Variants in CCDC7 observed in about 807,000 individuals in gnomAD.
The protein encoded by CCDC7 is coiled-coil domain-containing protein 7.
A neutral mutation model predicts 196.9 loss-of-function variants in CCDC7; 183 were observed. The observed-to-expected ratio is 0.93, with a 90% CI of 0.82 to 1.05. The LOEUF (loss-of-function observed/expected upper bound fraction) is 1.05. CCDC7 is among the 50% of genes least tolerant of loss of function. The pLI, the probability that CCDC7 is intolerant of heterozygous loss-of-function variation, is 0.00. For synonymous variants in CCDC7, 525 were observed against 484.6 expected (o/e 1.08, Z -1.10); for missense variants, 1,540 against 1,482.2 (o/e 1.04, Z -0.64).
At chr10:32,536,502 C>G (rs1017234601) in intron 11 of CCDC7, among the ~76,000 whole-genome samples, 2 of 152,140 alleles carry the variant, frequency 1.3e-5, no homozygotes, top group Non-Finnish European at 2.9e-5. Flanking sequence ...CCCAGCAAAC[C>G]TCACACTTCG....
intron 11 of CCDC7, among the ~76,000 whole-genome samples, chr10:32,530,042 T>G (rs1589574528): frequency 6.6e-6 from 1 of 152,100 alleles, no homozygotes; most frequent in South Asian, 2.1e-4. Flanking sequence ...TTTCCCCACT[T>G]TATGTTTTTC....
At chr10:32,778,952 C>A in intron 28 of CCDC7, 25 bp from the exon 30 acceptor site, 4 of 1,512,210 alleles carry the variant, frequency 2.6e-6, no homozygotes, top group South Asian at 1.2e-5. Flanking sequence ...AAATCAACTA[C>A]TTTGACAATC....
chr10:32,584,482 G>T (rs2059039002), intron 18 of CCDC7, among the ~76,000 whole-genome samples, 178 bp downstream of exon 19: 1 of 149,782 alleles, frequency 6.7e-6, no homozygotes, highest in South Asian at 2.1e-4. Context: ...GGTGGGCCAG[G>T]CGTGGTGGCT....
chr10:32,690,322 A>G (rs1481706873), intron 23 of CCDC7, among the ~76,000 whole-genome samples: 2 of 152,194 alleles, frequency 1.3e-5, no homozygotes, highest in Non-Finnish European at 2.9e-5. Context: ...TGCATTGATG[A>G]CAGATATTAG....
intron 15 of CCDC7, among the ~76,000 whole-genome samples, chr10:32,569,997 C>G (rs1359393897): frequency 1.3e-5 from 2 of 152,072 alleles, no homozygotes; most frequent in Non-Finnish European, 2.9e-5. Flanking sequence ...TCTGAACATG[C>G]TCATATACCT....
chr10:32,704,217 T>G lies in CCDC7; in HGVS notation c.2459-7403T>G, dbSNP rs1286194494. ...TGGATGTCCTTTCTGTTTGTTAGTT[T>G]TCCTTCCACAGTCAGGACCCTCAGC... On this transcript the variant is annotated intron_variant, in intron 24 of 41. Coordinates refer to ENST00000639629, the Ensembl canonical transcript of CCDC7. Among the ~76,000 whole-genome samples the G allele has an allele frequency of 2.6e-5, 4 of 152,302 alleles. No individual in the cohort carries two copies. In the East Asian group the frequency reaches 5.8e-4, roughly 22 times the overall value.
intron 8 of CCDC7, among the ~76,000 whole-genome samples, chr10:32,475,384 A>G (rs936960865): frequency 6.6e-6 from 1 of 152,182 alleles, no homozygotes; most frequent in African/African-American, 2.4e-5. Context: ...ATTTTTGTCC[A>G]GTATTTAAGT....
intron 11 of CCDC7, among the ~76,000 whole-genome samples, chr10:32,524,781 C>G (rs1380795673): frequency 6.6e-6 from 1 of 152,064 alleles, no homozygotes; most frequent in Non-Finnish European, 1.5e-5. Flanking sequence ...TTATTTGTTT[C>G]TTTTCTCTTG....
intron 32 of CCDC7, among the ~76,000 whole-genome samples, chr10:32,825,731 G>A (rs908210851): frequency 6.6e-6 from 1 of 152,098 alleles, no homozygotes; most frequent in Non-Finnish European, 1.5e-5. Context: ...TAATAGTGTG[G>A]AGAACACCGA....
intron 9 of CCDC7, 52 bp from the exon 11 acceptor site, chr10:32,517,888 ATAAAT>A: frequency 2.6e-6 from 4 of 1,554,612 alleles, no homozygotes; most frequent in Non-Finnish European, 3.5e-6. Context: ...TGTGTGTTTC[ATAAAT>A]TAAAATATAA....
At chr10:32,461,633 T>C (rs748740049) in intron 3 of CCDC7, among the ~76,000 whole-genome samples, 12 of 150,284 alleles carry the variant, frequency 8.0e-5, no homozygotes, top group African/African-American at 1.2e-4. Flanking sequence ...TACTTGCTGC[T>C]GTATGAAAAA....
At chr10:32,561,749 G>A (rs1208902617) in intron 13 of CCDC7, among the ~76,000 whole-genome samples, 1 of 144,632 alleles carries the variant, frequency 6.9e-6, no homozygotes, top group East Asian at 2.0e-4. Flanking sequence ...AACTAGAAAA[G>A]CAAGAGCAAA....
intron 13 of CCDC7, among the ~76,000 whole-genome samples, chr10:32,564,546 C>A (rs1185345269): frequency 1.3e-5 from 2 of 149,584 alleles, no homozygotes; most frequent in Admixed American, 6.8e-5. Context: ...TAAACTATCG[C>A]AAGAACAAAA....
chr10:32,734,918 A>G (rs1014805565), intron 28 of CCDC7, among the ~76,000 whole-genome samples: 1 of 151,840 alleles, frequency 6.6e-6, no homozygotes. Context: ...ATAAAATTAA[A>G]TAAAATAAGT....
Position 32,729,000 on chromosome 10 carries a change from G to C in CCDC7, c.2779+3G>C. Reference sequence around the variant, plus strand: ...TTCTGGAGTGGAAAGACACAAGAGTGAGTATAATAATTATCGATAACTTTA... The same window carrying C: ...TTCTGGAGTGGAAAGACACAAGAGTCAGTATAATAATTATCGATAACTTTA... On this transcript the variant is annotated splice_donor_region_variant and intron_variant, in intron 27 of 41. Coordinates refer to ENST00000639629, the Ensembl canonical transcript of CCDC7. 1 of 1,543,832 alleles carries C rather than the reference G, an allele frequency of 6.5e-7. No individual in the cohort carries two copies.
chr10:32,846,059 A>C, intron 36 of CCDC7, 100 bp downstream of exon 37: 1 of 858,664 alleles, frequency 1.2e-6, no homozygotes, highest in Non-Finnish European at 1.9e-6. Context: ...CCTGTATCAT[A>C]GTACTTTCCA....
At chr10:32,675,639 G>C (rs1178818936) in intron 21 of CCDC7, 1 of 152,166 alleles carries the variant, frequency 6.6e-6, no homozygotes, top group Admixed American at 6.6e-5. Context: ...TGTTACTGTT[G>C]AGCATCCTTT....
At chr10:32,659,755 T>C (rs2070828936) in intron 20 of CCDC7, among the ~76,000 whole-genome samples, 1 of 152,044 alleles carries the variant, frequency 6.6e-6, no homozygotes, top group African/African-American at 2.4e-5. Context: ...ATTAGAGAAA[T>C]GCAAATGAAA....
At chr10:32,642,141 A>G (rs1358524516) in intron 20 of CCDC7, among the ~76,000 whole-genome samples, 2 of 152,030 alleles carry the variant, frequency 1.3e-5, no homozygotes, top group South Asian at 2.1e-4. Context: ...CAGATCTCAA[A>G]CTCCATGCTG....
Sources: gnomAD v4.1 joint callset for allele counts (sites outside exome capture counted in the v4.1 genomes callset) on GRCh38, gnomAD v4.1.1 for gene constraint, MANE v1.5 for transcripts, NCBI Gene and HGNC (gene_info 2026-07-23, HGNC 2026-07-21) for gene names.